Variants in ATRNL1 observed in about 807,000 individuals in gnomAD.
The protein encoded by ATRNL1 is attractin-like protein 1.
In ATRNL1, 95 loss-of-function variants were observed where a neutral mutation model predicts 182.7. The observed-to-expected ratio is 0.52, with a 90% confidence interval of 0.44 to 0.62. The LOEUF is 0.62. Among genes scored for constraint, ATRNL1 ranks in the 20% least tolerant of loss-of-function variants. ATRNL1 has a pLI of 0.00. For synonymous variants in ATRNL1, 576 were observed against 568.3 expected (o/e 1.01, Z -0.19); for missense variants, 1,471 against 1,679.5 (o/e 0.88, Z 2.17).
chr10:115,714,437 G>A (rs966486104), intron 26 of ATRNL1, among the ~76,000 whole-genome samples: 7 of 152,022 alleles, frequency 4.6e-5, no homozygotes, highest in Non-Finnish European at 1.0e-4. Flanking sequence ...CGTTCCTCCC[G>A]CTGCAAACAG....
At chr10:115,791,404 C>G (rs1482397109) in intron 27 of ATRNL1, among the ~76,000 whole-genome samples, 1 of 152,116 alleles carries the variant, frequency 6.6e-6, no homozygotes, top group Non-Finnish European at 1.5e-5. Context: ...CCTGGGTAAG[C>G]AAACACCTGT....
rs1017569975 is a variant in ATRNL1 at position 115,783,451 on chromosome 10, C to T, written c.3903+56096C>T. 2.0e-5 allele frequency among the ~76,000 whole-genome samples: 3 copies of T among 152,150 alleles called. No individual in the cohort carries two copies. The South Asian group carries it at 6.2e-4, about 32-fold the overall frequency. On this transcript the variant is annotated intron_variant, in intron 27 of 28. Coordinates refer to ENST00000355044, the MANE Select transcript of ATRNL1 (RefSeq NM_207303.4). ...AATAACTGTGAACATATCATTTAAC[C>T]TCCATTCACCTCAGCAGGTTCATTT...
intron 8 of ATRNL1, among the ~76,000 whole-genome samples, chr10:115,193,144 T>C (rs1554890232): frequency 2.6e-5 from 4 of 152,078 alleles, no homozygotes; most frequent in African/African-American, 9.7e-5. Context: ...TTTTTCTAGA[T>C]ATTAGAGGAA....
At chr10:115,908,384 C>T (rs562333212) in intron 28 of ATRNL1, among the ~76,000 whole-genome samples, 84 of 152,186 alleles carry the variant, frequency 5.5e-4, no homozygotes, top group African/African-American at 1.9e-3. Context: ...TCGAGGCTGC[C>T]TGCATTCCTT....
chr10:115,650,917 C>T (rs12253605), intron 26 of ATRNL1, among the ~76,000 whole-genome samples: 5,187 of 151,970 alleles, frequency 0.034, 304 homozygotes, highest in African/African-American at 0.12. Flanking sequence ...CTTTTTGTAC[C>T]GATCACTAAA....
At chr10:115,900,717 A>T (rs782545306) in intron 28 of ATRNL1, among the ~76,000 whole-genome samples, 10 of 152,200 alleles carry the variant, frequency 6.6e-5, no homozygotes, top group Non-Finnish European at 1.3e-4. Context: ...ACCCAGGCTG[A>T]CTTGCTTTGA....
At chr10:115,279,624 G>A (rs1246899459) in intron 13 of ATRNL1, among the ~76,000 whole-genome samples, 5 of 152,192 alleles carry the variant, frequency 3.3e-5, no homozygotes, top group Non-Finnish European at 7.3e-5. Context: ...GTTTGCGACA[G>A]ATTTCTAATC....
intron 10 of ATRNL1, among the ~76,000 whole-genome samples, chr10:115,251,656 A>G (rs998318630): frequency 9.2e-5 from 14 of 152,180 alleles, no homozygotes; most frequent in African/African-American, 3.4e-4. Flanking sequence ...TAGATAAAAT[A>G]GCCTGGTGGG....
At chr10:115,574,526 A>G (rs968166287) in intron 26 of ATRNL1, among the ~76,000 whole-genome samples, 1 of 152,102 alleles carries the variant, frequency 6.6e-6, no homozygotes. Context: ...TTAATATCAA[A>G]TCTACCATGT....
Position 115,919,680 on chromosome 10 carries a change from T to TGGGC in ATRNL1, c.4019-24977_4019-24974dup, listed in dbSNP as rs1952986526. Among the ~76,000 whole-genome samples, 3 of 152,158 alleles carry TGGGC rather than the reference T, an allele frequency of 2.0e-5. No homozygotes were observed. In the South Asian group the frequency reaches 6.2e-4, roughly 31 times the overall value. ...CACATATATATATAGTCTTAGTCCATGGGCTGTTACAACAAAAACATCATT... is the reference window on the plus strand; with the variant it reads ...CACATATATATATAGTCTTAGTCCATGGGCGGGCTGTTACAACAAAAACATCATT... On this transcript the variant is annotated intron_variant, in intron 28 of 28. Coordinates refer to ENST00000355044, the MANE Select transcript of ATRNL1 (RefSeq NM_207303.4).
intron 28 of ATRNL1, among the ~76,000 whole-genome samples, chr10:115,868,982 A>T (rs1353330565): frequency 1.3e-5 from 2 of 151,416 alleles, no homozygotes; most frequent in East Asian, 3.9e-4. Context: ...GGCGCCCGCC[A>T]CCACGCCCGG....
At chr10:115,663,709 T>G (rs1860835557) in intron 26 of ATRNL1, among the ~76,000 whole-genome samples, 1 of 152,076 alleles carries the variant, frequency 6.6e-6, no homozygotes, top group African/African-American at 2.4e-5. Context: ...TTGGGGGAGA[T>G]GAGGACTAAA....
At chr10:115,934,214 G>A (rs1393243396) in intron 28 of ATRNL1, among the ~76,000 whole-genome samples, 4 of 152,112 alleles carry the variant, frequency 2.6e-5, no homozygotes, top group African/African-American at 9.7e-5. Context: ...CAGACAGCCT[G>A]CCACCAATCA....
At chr10:115,463,785 G>A (rs1186443049) in intron 22 of ATRNL1, among the ~76,000 whole-genome samples, 1 of 151,886 alleles carries the variant, frequency 6.6e-6, no homozygotes. Flanking sequence ...ATTTCATTTA[G>A]CATAGTGTTT....
intron 20 of ATRNL1, among the ~76,000 whole-genome samples, chr10:115,419,297 A>G (rs1165119484): frequency 1.3e-5 from 2 of 152,206 alleles, no homozygotes; most frequent in Non-Finnish European, 2.9e-5. Context: ...AACACTAAAA[A>G]AGTAAGGAAT....
intron 21 of ATRNL1, among the ~76,000 whole-genome samples, chr10:115,459,065 A>G (rs1554969240): frequency 6.6e-6 from 1 of 152,180 alleles, no homozygotes; most frequent in African/African-American, 2.4e-5. Context: ...TAAAGATTTC[A>G]TGGACACTTA....
At position 115,772,591 on chromosome 10, in the gene ATRNL1, C is replaced by CTGTGTGTGTG. The variant is rs1491162323; in HGVS notation, c.3903+45237_3903+45238insGTGTGTGTGT. ...ACTGTATAAATATACAAAATATATA[C>CTGTGTGTGTG]TCTGTCTGTGTGTGTGTGTGTGTGT... On this transcript the variant is annotated intron_variant, in intron 27 of 28. Transcript: ENST00000355044. Among the ~76,000 whole-genome samples, 5 of 130,606 alleles carry CTGTGTGTGTG rather than the reference C, an allele frequency of 3.8e-5. No homozygotes were observed. The East Asian group carries it at 1.0e-3, about 26-fold the overall frequency. The allele number at this position is 130,606 out of a possible 152,430, so 85.7% of individuals were successfully genotyped here.
intron 24 of ATRNL1, among the ~76,000 whole-genome samples, chr10:115,507,758 T>C (rs1554981627): frequency 6.6e-6 from 1 of 151,996 alleles, no homozygotes; most frequent in South Asian, 2.1e-4. Flanking sequence ...ATTGTAGAAG[T>C]ATATGTAGAG....
chr10:115,574,033 A>G (rs1854561531), intron 26 of ATRNL1, among the ~76,000 whole-genome samples: 1 of 152,140 alleles, frequency 6.6e-6, no homozygotes, highest in African/African-American at 2.4e-5. Context: ...AAACCACTTA[A>G]AGCAGAAAAT....
Sources: allele counts gnomAD v4.1 joint callset (sites outside exome capture counted in the v4.1 genomes callset), GRCh38; gene constraint gnomAD v4.1.1; transcripts MANE v1.5; gene names NCBI Gene and HGNC (gene_info 2026-07-23, HGNC 2026-07-21).